Variants in TRIM63 observed in about 807,000 individuals in gnomAD.
TRIM63 encodes E3 ubiquitin-protein ligase TRIM63.
In TRIM63, 48 loss-of-function variants were observed where a neutral mutation model predicts 46.0. The observed-to-expected ratio is 1.04, with a 90% CI of 0.83 to 1.33. The LOEUF is 1.33. TRIM63 is among the 40% of genes most tolerant of loss of function. The pLI is 0.00. For missense variants in TRIM63, 455 were observed against 441.2 expected (o/e 1.03, Z -0.28); for synonymous variants, 175 against 162.8 (o/e 1.08, Z -0.57).
Position 26,063,204 on chromosome 1 carries a change from C to G in TRIM63, c.333-1870G>C, listed in dbSNP as rs149493284. On this transcript the variant is annotated intron_variant, in intron 2 of 8. Coordinates refer to ENST00000374272, the MANE Select transcript of TRIM63 (RefSeq NM_032588.4). ...CCTACCTCAGTCTCCCCAGTAGCTG[C>G]AACTGGTGCATACCACCATGCCTGG... 1.7e-3 allele frequency among the ~76,000 whole-genome samples: 263 copies of G among 152,212 alleles called. 1 individual carries two copies. Among genetic ancestry groups the G allele is most frequent in the African/African-American group, 5.7e-3 (236 of 41,540 alleles).
chr1:26,059,436 G>T (rs1159027000), intron 4 of TRIM63, among the ~76,000 whole-genome samples: 2 of 152,258 alleles, frequency 1.3e-5, no homozygotes, highest in African/African-American at 4.8e-5. Flanking sequence ...TCAGGACCAA[G>T]ACTGGATTCG....
chr1:26,059,378 C>T (rs879677661), intron 4 of TRIM63, among the ~76,000 whole-genome samples: 5 of 152,050 alleles, frequency 3.3e-5, no homozygotes, highest in African/African-American at 4.8e-5. Context: ...AACAAATTAA[C>T]GTTTCCTGGG....
chr1:26,057,747 G>T, intron 5 of TRIM63, 97 bp from the exon 6 acceptor site: 1 of 1,331,906 alleles, frequency 7.5e-7, no homozygotes, highest in Non-Finnish European at 1.0e-6. Flanking sequence ...GTAGATATTT[G>T]GTGCCATTCC....
intron 2 of TRIM63, among the ~76,000 whole-genome samples, chr1:26,065,488 G>T (rs2050668221): frequency 6.6e-6 from 1 of 152,178 alleles, no homozygotes; most frequent in East Asian, 1.9e-4. Context: ...TTTAAACTTT[G>T]TAGAAACAGG....
intron 4 of TRIM63, 58 bp from the exon 5 acceptor site, chr1:26,058,681 A>C (rs370299497): frequency 1.4e-6 from 2 of 1,402,358 alleles, no homozygotes; most frequent in African/African-American, 2.8e-5. Context: ...TGCCCACTAC[A>C]CTGCCTTCCT....
chr1:26,054,586 C>T (rs955988743), intron 7 of TRIM63, among the ~76,000 whole-genome samples: 1 of 152,152 alleles, frequency 6.6e-6, no homozygotes, highest in African/African-American at 2.4e-5. Context: ...TAACAGGGAA[C>T]ATCTCCCTTC....
intron 7 of TRIM63, among the ~76,000 whole-genome samples, chr1:26,055,834 T>C (rs1312809931): frequency 6.6e-6 from 1 of 152,126 alleles, no homozygotes; most frequent in Non-Finnish European, 1.5e-5. Context: ...ATATCTTAGC[T>C]TAGGGAAGCT....
intron 1 of TRIM63, among the ~76,000 whole-genome samples, chr1:26,067,021 C>T (rs1196068827): frequency 1.3e-5 from 2 of 152,166 alleles, no homozygotes; most frequent in African/African-American, 4.8e-5. Context: ...TCTGGTTTCT[C>T]TCTCCTGTCC....
rs748098267 is a variant in TRIM63, at chr1:26,058,585, C to T, written c.636G>A (p.Lys212=). 1.2e-6 allele frequency: 2 copies of T among 1,614,210 alleles called. No homozygotes were observed. The highest frequency in any genetic ancestry group is 1.7e-6 in the Non-Finnish European group (2 of 1,180,044). ...CCAGGATGGCATACAACGTGTCAAA[C>T]TTCTGGCTCAGCTCTTCCTTTACCT... ...SHQVKEELSQ[K]FDTLYAILDE... is the part of the protein sequence containing the mutation. Residue 212 remains lysine (K), a synonymous_variant, in exon 5 of 9, where the codon AAG becomes AAA. Transcript: ENST00000374272.
Position 26,053,912 on chromosome 1 carries a change from G to A in TRIM63, c.1032C>T (p.Ser344=). 6.3e-7 allele frequency: 1 copy of A among 1,592,980 alleles called. No individual in the cohort carries two copies. Among genetic ancestry groups the A allele is most frequent in the Non-Finnish European group, 8.5e-7 (1 of 1,173,998 alleles). The change falls in exon 8 of 9, where the codon TCC becomes TCT. Residue 344 remains serine, a synonymous_variant. Transcript: ENST00000374272. ...IEEEDQEEEE[S]TEGKEEGHQ is the part of the protein sequence containing the mutation. ...TCTTACCTTCTTCCTTCCCTTCTGT[G>A]GACTCTTCCTCTTCCTGATCTTCTT...
At chr1:26,067,301 T>G (rs1265493590) in intron 1 of TRIM63, 35 bp downstream of exon 1, 1 of 1,610,198 alleles carries the variant, frequency 6.2e-7, no homozygotes, top group South Asian at 1.1e-5. Context: ...AGTAGCCACC[T>G]GGGGACCCCA....
chr1:26,051,974 A>T (rs1309861590), intron 8 of TRIM63, 91 bp from the exon 9 acceptor site: 1 of 1,121,794 alleles, frequency 8.9e-7, no homozygotes, highest in Non-Finnish European at 1.2e-6. Context: ...TTCAAACAGG[A>T]GTTTGAATAA....
intron 8 of TRIM63, 46 bp from the exon 9 acceptor site, chr1:26,051,929 T>G: frequency 1.5e-6 from 2 of 1,306,812 alleles, no homozygotes; most frequent in Non-Finnish European, 2.0e-6. Flanking sequence ...AGACAGGGAC[T>G]CAGGAGGATC....
In TRIM63 at chr1:26,067,532, C is replaced by T. The variant is rs188797224; in HGVS notation, c.-38G>A. The T allele has an allele frequency of 1.6e-4, 255 of 1,608,706 alleles. 2 individuals carry two copies. The East Asian group carries it at 4.3e-3, about 27-fold the overall frequency. On this transcript the variant is annotated 5_prime_UTR_variant, in exon 1 of 9. Transcript: ENST00000374272. ...AATGAGAGCCACGCCTAGCTGCCTC[C>T]TCTACTAACTTTGCTCTAAGTAGAC...
At chr1:26,065,561 C>G (rs1323909759) in intron 2 of TRIM63, among the ~76,000 whole-genome samples, 1 of 152,226 alleles carries the variant, frequency 6.6e-6, no homozygotes, top group African/African-American at 2.4e-5. Flanking sequence ...CCCACCTTGG[C>G]CTCCCAGAGT....
At position 26,051,809 on chromosome 1, in the gene TRIM63, G is replaced by T. The variant is rs918799142; in HGVS notation, c.*64C>A. ...CCACCCTGGGCCTGTCACCAAGGCCGCTGGGCCCCTCCCCACCCTCTCCAG... is the reference window on the plus strand; with the variant it reads ...CCACCCTGGGCCTGTCACCAAGGCCTCTGGGCCCCTCCCCACCCTCTCCAG... On this transcript the variant is annotated 3_prime_UTR_variant, in exon 9 of 9. Coordinates refer to ENST00000374272, the MANE Select transcript of TRIM63 (RefSeq NM_032588.4). 2.0e-5 allele frequency: 6 copies of T among 307,472 alleles called. No individual in the cohort carries two copies. Among genetic ancestry groups the T allele is most frequent in the East Asian group, 1.1e-4 (1 of 9,032 alleles). 19.0% of individuals were successfully genotyped at this position (307,472 alleles called of 1,614,324 possible).
In TRIM63 at chr1:26,053,916, T is replaced by A; in HGVS notation, c.1028A>T (p.Glu343Val). 6.3e-7 allele frequency: 1 copy of A among 1,590,908 alleles called. No homozygotes were observed. Among genetic ancestry groups the A allele is most frequent in the Non-Finnish European group, 8.5e-7 (1 of 1,173,882 alleles). ...FIEEEDQEEE[E>V]STEGKEEGHQ ...ACCTTCTTCCTTCCCTTCTGTGGAC[T>A]CTTCCTCTTCCTGATCTTCTTCTTC... The change falls in exon 8 of 9, where the codon GAG becomes GTG. Residue 343 changes from glutamate (E) to valine (V), a missense_variant. Transcript: ENST00000374272.
At chr1:26,053,709 G>T (rs960758623) in intron 8 of TRIM63, among the ~76,000 whole-genome samples, 184 bp downstream of exon 8, 4 of 152,122 alleles carry the variant, frequency 2.6e-5, no homozygotes, top group East Asian at 1.9e-4. Context: ...ATAGTTTGGG[G>T]TTTTTTTCTT....
chr1:26,061,414 G>A (rs760809032), intron 2 of TRIM63, 80 bp from the exon 3 acceptor site: 8 of 1,488,850 alleles, frequency 5.4e-6, no homozygotes, highest in South Asian at 1.2e-5. Context: ...ACCAGTCGCA[G>A]CTACTGGGGA....
Sources: gnomAD v4.1 joint callset for allele counts (sites outside exome capture counted in the v4.1 genomes callset) on GRCh38, gnomAD v4.1.1 for gene constraint, MANE v1.5 for transcripts, NCBI Gene and HGNC (gene_info 2026-07-23, HGNC 2026-07-21) for gene names.